Variants in ADA2 observed in about 807,000 individuals in gnomAD.
ADA2 encodes adenosine deaminase CECR1.
ADA2 carries 29 observed loss-of-function variants against 44.2 expected under a neutral mutation model. The observed-to-expected ratio is 0.66, with a 90% confidence interval of 0.49 to 0.89. The LOEUF (loss-of-function observed/expected upper bound fraction) is 0.89, where lower values mean the gene tolerates loss of function less well. Among genes scored for constraint, ADA2 ranks in the 40% least tolerant of loss-of-function variants. The probability of loss-of-function intolerance (pLI) is 0.00; values close to 1 mark genes in which losing one functional copy is unlikely to be tolerated. For missense variants in ADA2, 637 were observed against 644.8 expected (o/e 0.99, Z 0.13); for synonymous variants, 215 against 234.9 (o/e 0.92, Z 0.77).
intron 1 of ADA2, among the ~76,000 whole-genome samples, chr22:17,216,825 T>C (rs759013560): frequency 7.4e-5 from 11 of 148,076 alleles, no homozygotes; most frequent in Non-Finnish European, 1.2e-4. Context: ...TAAAATGGAT[T>C]AAAGTTAAAA....
At chr22:17,194,314 G>A (rs2062162735) in intron 4 of ADA2, among the ~76,000 whole-genome samples, 2 of 152,162 alleles carry the variant, frequency 1.3e-5, no homozygotes, top group South Asian at 4.1e-4. Flanking sequence ...GCCCTTGGGA[G>A]TCCACCTCCT....
chr22:17,203,913 C>A, intron 3 of ADA2, 140 bp from the exon 4 acceptor site: 1 of 646,966 alleles, frequency 1.5e-6, no homozygotes, highest in Non-Finnish European at 2.8e-6. Context: ...AAGGAAGGGG[C>A]AAAGGGGAGC....
chr22:17,206,963 G>A, intron 3 of ADA2, 108 bp downstream of exon 3: 3 of 831,796 alleles, frequency 3.6e-6, no homozygotes, highest in Admixed American at 4.6e-5. Flanking sequence ...CTTGCCTCAT[G>A]TTTTATTAAA....
chr22:17,188,358 G>A lies in ADA2; in HGVS notation c.1062C>T (p.Phe354=). The A allele has an allele frequency of 6.2e-7, 1 of 1,613,822 alleles. No individual in the cohort carries two copies. Among genetic ancestry groups the A allele is most frequent in the Non-Finnish European group, 8.5e-7 (1 of 1,179,698 alleles). ...PAKDGVKLPY[F]FHAGETDWQG... ...GCTCACCTGTTTCTCCGGCGTGGAA[G>A]AAGTAAGGCAGCTTAACGCCATCCT... The change falls in exon 7 of 10, where the codon TTC becomes TTT. Residue 354 remains phenylalanine (F), a synonymous_variant. Coordinates refer to ENST00000399837, the MANE Select transcript of ADA2 (RefSeq NM_001282225.2).
chr22:17,187,270 T>TC (rs1357422779), intron 7 of ADA2, among the ~76,000 whole-genome samples: 1 of 151,842 alleles, frequency 6.6e-6, no homozygotes, highest in Non-Finnish European at 1.5e-5. Context: ...TCCTCCTGCC[T>TC]CTGCCTCCCT....
intron 4 of ADA2, chr22:17,199,480 C>G: frequency 5.8e-6 from 6 of 1,035,324 alleles, no homozygotes; most frequent in Non-Finnish European, 8.3e-6. Context: ...CTGCGAGGGT[C>G]GGAGTTCCCT....
intron 7 of ADA2, among the ~76,000 whole-genome samples, chr22:17,183,004 T>C (rs1353172670): frequency 1.3e-5 from 2 of 152,248 alleles, no homozygotes; most frequent in South Asian, 4.1e-4. Flanking sequence ...ATCATTCTAA[T>C]GAGAAAGTTG....
chr22:17,197,507 G>C (rs2123679551), intron 4 of ADA2, among the ~76,000 whole-genome samples: 1 of 152,214 alleles, frequency 6.6e-6, no homozygotes, highest in South Asian at 2.1e-4. Context: ...CTGAGCTCAA[G>C]GGATTCACCT....
chr22:17,203,593 G>C lies in ADA2; in HGVS notation c.723C>G (p.Leu241=). 2 of 1,612,976 alleles carry C rather than the reference G, an allele frequency of 1.2e-6. No individual in the cohort carries two copies. Among genetic ancestry groups the C allele is most frequent in the Non-Finnish European group, 1.7e-6 (2 of 1,179,996 alleles). ...SMQEFYEDNV[L]YMEIRARLLP... The stretch of plus-strand genomic sequence containing the variant: ...GCAGCCTGGCTCTGATCTCCATGTA[G>C]AGCACGTTGTCCTCGTAGAACTCCT... The change falls in exon 4 of 10, where the codon CTC becomes CTG. Residue 241 remains leucine (L), a synonymous_variant. Transcript: ENST00000399837.
intron 3 of ADA2, among the ~76,000 whole-genome samples, chr22:17,204,105 AG>A (rs1057345549): frequency 2.0e-4 from 30 of 152,058 alleles, no homozygotes; most frequent in African/African-American, 7.2e-4. Flanking sequence ...TAGACCAAAA[AG>A]CTCTCTCTCT....
rs1420003717 is a variant in ADA2 at position 17,181,446 on chromosome 22, C to T, written c.*37G>A. Reference sequence around the variant, plus strand: ...GAGTGAGAGGAAGTGACAGCGTGTGCAAGAAGACAGCTTGTAGAGGGCTGG... The same window carrying T: ...GAGTGAGAGGAAGTGACAGCGTGTGTAAGAAGACAGCTTGTAGAGGGCTGG... On this transcript the variant is annotated 3_prime_UTR_variant, in exon 10 of 10. Coordinates refer to ENST00000399837, the MANE Select transcript of ADA2 (RefSeq NM_001282225.2). 2.2e-6 allele frequency: 3 copies of T among 1,356,626 alleles called. No individual in the cohort carries two copies. Among genetic ancestry groups the T allele is most frequent in the East Asian group, 2.3e-5 (1 of 43,730 alleles). The allele number at this position is 1,356,626 out of a possible 1,614,324, so 84.0% of individuals were successfully genotyped here.
rs762419131 is a variant in ADA2 at position 17,190,000 on chromosome 22, A to G, written c.914T>C (p.Ile305Thr). 2 of 1,613,876 alleles carry G rather than the reference A, an allele frequency of 1.2e-6. No individual in the cohort carries two copies. The highest frequency in any genetic ancestry group is 2.7e-5 in the African/African-American group (2 of 74,908). ...SKDVAVIAES[I>T]RMAMGLRIKF... is the part of the protein sequence containing the mutation. ...GATTCGGAGCCCCATGGCCATTCGG[A>G]TGGATTCTGCGATGACAGCCACATC... Residue 305 changes from isoleucine to threonine, a missense_variant, in exon 6 of 10, where the codon ATC becomes ACC. Coordinates refer to ENST00000399837, the MANE Select transcript of ADA2 (RefSeq NM_001282225.2).
Position 17,181,971 on chromosome 22 carries a change from C to A in ADA2, c.1291G>T (p.Ala431Ser). Residue 431 changes from alanine (A) to serine (S), a missense_variant, in exon 9 of 10, where the codon GCC becomes TCC. Physicochemically the swap from Ala to Ser is moderately conservative, Grantham distance 99. Transcript: ENST00000399837. ...LRNHPVATLM[A>S]TGHPMVISSD... ...CTGATCACCATGGGGTGCCCAGTGG[C>A]CATCAGAGTGGCTACAGGGTGGTTC... 1 of 1,614,110 alleles carries A rather than the reference C, an allele frequency of 6.2e-7. No individual in the cohort carries two copies. The highest frequency in any genetic ancestry group is 1.7e-4 in the Middle Eastern group (1 of 6,060).
chr22:17,219,095 T>TG (rs1178615040), intron 1 of ADA2, among the ~76,000 whole-genome samples: 1 of 152,158 alleles, frequency 6.6e-6, no homozygotes, highest in Non-Finnish European at 1.5e-5. Flanking sequence ...AGGCAGAAGT[T>TG]GCAGAGAGCC....
rs34113994 is a variant in ADA2 at position 17,187,665 on chromosome 22, T to TAA, written c.1081+672_1081+673dup. On this transcript the variant is annotated intron_variant, in intron 7 of 9. Coordinates refer to ENST00000399837, the MANE Select transcript of ADA2 (RefSeq NM_001282225.2). ...GGATTATGCCCCTACCACGAAAAAT[T>TAA]AAAAAAAAAAAAAAAAAGAAGAAGA... is the stretch of plus-strand genomic sequence containing the variant. Among the ~76,000 whole-genome samples the TAA allele has an allele frequency of 3.8e-3, 521 of 136,820 alleles. 2 individuals are homozygous for TAA. The highest frequency in any genetic ancestry group is 0.023 in the Middle Eastern group (6 of 266). 89.8% of individuals were successfully genotyped at this position (136,820 alleles called of 152,430 possible).
chr22:17,213,852 A>G (rs1364339004), intron 1 of ADA2: 1 of 285,334 alleles, frequency 3.5e-6, no homozygotes, highest in Non-Finnish European at 6.8e-6. Context: ...AGTCTGGCCA[A>G]CACGGTGAAA....
At chr22:17,199,572 A>C (rs776185534) in intron 4 of ADA2, 1 of 1,613,988 alleles carries the variant, frequency 6.2e-7, no homozygotes, top group Non-Finnish European at 8.5e-7. Context: ...CATTCCAGGG[A>C]ATCCATCTCC....
intron 4 of ADA2, among the ~76,000 whole-genome samples, chr22:17,198,173 T>C (rs777625980): frequency 3.3e-5 from 5 of 152,112 alleles, no homozygotes; most frequent in Non-Finnish European, 7.4e-5. Flanking sequence ...CCCCCTCCTG[T>C]AGAAAGGTGA....
Position 17,192,962 on chromosome 22 carries a change from C to T in ADA2, c.754-1152G>A, listed in dbSNP as rs1384395041. On this transcript the variant is annotated intron_variant, in intron 4 of 9. Coordinates refer to ENST00000399837, the MANE Select transcript of ADA2 (RefSeq NM_001282225.2). ...TTGTCAAAAAGAGAACCAAAAAGTT[C>T]ATCTGGCACCGGTCTGACCAATACG... The T allele has an allele frequency of 4.9e-6, 3 of 609,794 alleles. No individual in the cohort carries two copies. In the African/African-American group the frequency reaches 5.6e-5, roughly 11 times the overall value. The allele number at this position is 609,794 out of a possible 1,614,324, so 37.8% of individuals were successfully genotyped here. A position where few individuals can be genotyped will look rare whatever the true frequency, so the allele number is the denominator to read the frequency against.
Sources: allele counts gnomAD v4.1 joint callset (sites outside exome capture counted in the v4.1 genomes callset), GRCh38; gene constraint gnomAD v4.1.1; transcripts MANE v1.5; gene names NCBI Gene and HGNC (gene_info 2026-07-23, HGNC 2026-07-21).